Variants in RSBN1 observed in about 807,000 individuals in gnomAD.
RSBN1 encodes lysine-specific demethylase 9.
A neutral mutation model predicts 74.8 loss-of-function variants in RSBN1; 23 were observed. The ratio of observed to expected loss-of-function variants is 0.31; its 90% confidence interval spans 0.22 to 0.44. The LOEUF (loss-of-function observed/expected upper bound fraction) is 0.44. Among genes scored for constraint, RSBN1 ranks in the 20% least tolerant of loss-of-function variants. The probability of loss-of-function intolerance (pLI) is 1.00; values close to 1 mark genes in which losing one functional copy is unlikely to be tolerated. For missense variants in RSBN1, 808 were observed against 1,020.9 expected (o/e 0.79, Z 2.84); for synonymous variants, 407 against 379.6 (o/e 1.07, Z -0.84).
intron 1 of RSBN1, 136 bp from the exon 2 acceptor site, chr1:113,798,172 AC>A (rs1558003072): frequency 1.5e-6 from 1 of 682,142 alleles, no homozygotes; most frequent in Admixed American, 2.6e-5. Context: ...TGTTTAGAAA[AC>A]AAATGAGACA....
intron 4 of RSBN1, 41 bp downstream of exon 4, chr1:113,777,169 A>G: frequency 6.3e-7 from 1 of 1,579,856 alleles, no homozygotes. Flanking sequence ...AACCAACTAA[A>G]AAAAAGTAGT....
intron 4 of RSBN1, among the ~76,000 whole-genome samples, chr1:113,772,062 C>T (rs1659895747): frequency 6.6e-6 from 1 of 151,834 alleles, no homozygotes; most frequent in African/African-American, 2.4e-5. Context: ...ACATTGAAAC[C>T]TTAGAATATG....
At chr1:113,795,471 A>G (rs1660452820) in intron 2 of RSBN1, among the ~76,000 whole-genome samples, 1 of 152,232 alleles carries the variant, frequency 6.6e-6, no homozygotes, top group South Asian at 2.1e-4. Context: ...TGCAAACTTC[A>G]AAGTTTAGTC....
intron 1 of RSBN1, among the ~76,000 whole-genome samples, chr1:113,809,284 ATG>A (rs1311054732): frequency 6.6e-6 from 1 of 152,200 alleles, no homozygotes; most frequent in African/African-American, 2.4e-5. Context: ...TTCCTTATAA[ATG>A]AAATACCACA....
intron 1 of RSBN1, among the ~76,000 whole-genome samples, chr1:113,807,714 T>C (rs1355042461): frequency 1.3e-5 from 2 of 151,324 alleles, no homozygotes; most frequent in African/African-American, 4.9e-5. Context: ...TGAGCCGAGA[T>C]TGCACCATTG....
chr1:113,782,431 T>C (rs1305248819), intron 2 of RSBN1, among the ~76,000 whole-genome samples: 2 of 152,182 alleles, frequency 1.3e-5, no homozygotes, highest in Non-Finnish European at 2.9e-5. Flanking sequence ...GAACTGCACT[T>C]AAAGGAAAAC....
intron 4 of RSBN1, among the ~76,000 whole-genome samples, chr1:113,771,424 C>T (rs2101793156): frequency 6.6e-6 from 1 of 151,642 alleles, no homozygotes; most frequent in Non-Finnish European, 1.5e-5. Flanking sequence ...TGCAGAAAAG[C>T]ATTAAATAGG....
chr1:113,773,048 C>T (rs1659912680), intron 4 of RSBN1, among the ~76,000 whole-genome samples: 1 of 151,614 alleles, frequency 6.6e-6, no homozygotes, highest in African/African-American at 2.4e-5. Flanking sequence ...GAAAAAAACA[C>T]CGAAGCTGAA....
chr1:113,801,342 G>A (rs1020831779), intron 1 of RSBN1, among the ~76,000 whole-genome samples: 3 of 152,108 alleles, frequency 2.0e-5, no homozygotes, highest in African/African-American at 7.2e-5. Context: ...TTTTTTTACA[G>A]AGAAATTTAA....
chr1:113,782,363 CAT>C (rs1235737856), intron 2 of RSBN1, among the ~76,000 whole-genome samples: 1 of 152,010 alleles, frequency 6.6e-6, no homozygotes, highest in Non-Finnish European at 1.5e-5. Flanking sequence ...TTGTCTATAA[CAT>C]ATAATTTTTT....
At chr1:113,779,898 G>A (rs1449672594) in intron 2 of RSBN1, among the ~76,000 whole-genome samples, 2 of 152,150 alleles carry the variant, frequency 1.3e-5, no homozygotes, top group East Asian at 3.9e-4. Context: ...GTGCATGCCT[G>A]TAGTCCCAGA....
chr1:113,797,945 G>A lies in RSBN1; in HGVS notation c.795C>T (p.Asp265=). Residue 265 remains aspartate, a synonymous_variant, in exon 2 of 7, where the codon GAC becomes GAT. Transcript: ENST00000261441. ...KKKKKKKHRE[D]MRGRRLKMYN... ...ACATTTTAAGGCGTCTTCCTCGCAT[G>A]TCTTCTCGGTGTTTCTTTTTCTTTT... 1 of 1,613,736 alleles carries A rather than the reference G, an allele frequency of 6.2e-7. No individual in the cohort carries two copies. Among genetic ancestry groups the A allele is most frequent in the Non-Finnish European group, 8.5e-7 (1 of 1,179,890 alleles).
In RSBN1 at chr1:113,784,758, C is replaced by A. The variant is rs1557998757; in HGVS notation, c.1378-6950G>T. On this transcript the variant is annotated intron_variant, in intron 2 of 6. Coordinates refer to ENST00000261441, the MANE Select transcript of RSBN1 (RefSeq NM_018364.5). ...CTGGGGGACCAGTACAGTTGAGGAC[C>A]CCTGCCGTAGATACCTGAAACACAA... is the stretch of plus-strand genomic sequence containing the variant. Among the ~76,000 whole-genome samples the A allele has an allele frequency of 2.6e-5, 4 of 152,126 alleles. No individual in the cohort carries two copies. The South Asian group carries it at 6.2e-4, about 24-fold the overall frequency.
rs1660059450 is a variant in RSBN1, at chr1:113,777,757, T to C, written c.1429A>G (p.Ile477Val). The change falls in exon 3 of 7, where the codon ATA (isoleucine) becomes GTA (valine). Residue 477 changes from isoleucine to valine, a missense_variant. By Grantham distance (29) the Ile-to-Val change is conservative (BLOSUM62 3). Transcript: ENST00000261441. The stretch of plus-strand genomic sequence containing the variant: ...TCATCTACTGCTCCAACGAGACTTA[T>C]CTGCCGCATAGGACCTGCTCGGTAG... ...GTYRAGPMRQ[I>V]SLVGAVDEEV... 6.2e-7 allele frequency: 1 copy of C among 1,611,018 alleles called. No homozygotes were observed. Among genetic ancestry groups the C allele is most frequent in the Non-Finnish European group, 8.5e-7 (1 of 1,177,892 alleles).
Position 113,797,364 on chromosome 1 carries a change from T to C in RSBN1, c.1376A>G (p.Gln459Arg). The change falls in exon 2 of 7, where the codon CAG (glutamine) becomes CGG (arginine). Residue 459 changes from glutamine (Q) to arginine (R), a missense_variant and splice_region_variant. Physicochemically the swap from Gln to Arg is conservative, Grantham distance 43 (BLOSUM62 1). Transcript: ENST00000261441. ...ETTTISNFHT[Q>R]VNRTYCCGTY... ...TTTTAACAACAATTTTTATCTTACC[T>C]GAGTGTGAAAATTTGAAATGGTGGT... 2.5e-6 allele frequency: 4 copies of C among 1,604,730 alleles called. No homozygotes were observed. The highest frequency in any genetic ancestry group is 3.4e-6 in the Non-Finnish European group (4 of 1,176,410).
At position 113,788,976 on chromosome 1, in the gene RSBN1, A is replaced by C. The variant is rs149815732; in HGVS notation, c.1377+8387T>G. Among the ~76,000 whole-genome samples the C allele has an allele frequency of 2.0e-4, 30 of 152,304 alleles. 1 individual carries two copies. Among genetic ancestry groups the C allele is most frequent in the African/African-American group, 7.2e-4 (30 of 41,564 alleles). ...TCAATGTCCAAGAATAGGAGAATAA[A>C]TAGTGAGTGTGATATTGTGCAATAT... On this transcript the variant is annotated intron_variant, in intron 2 of 6. Coordinates refer to ENST00000261441, the MANE Select transcript of RSBN1 (RefSeq NM_018364.5).
chr1:113,812,468 T>C lies in RSBN1; in HGVS notation c.-56A>G, dbSNP rs1660900501. On this transcript the variant is annotated 5_prime_UTR_variant, in exon 1 of 7. Transcript: ENST00000261441. The stretch of plus-strand genomic sequence containing the variant: ...GCAGGCCTCTCCAACCGAGCTTCTA[T>C]TGTAAAGCACCCTATGCCGCGCAAA... 8.0e-6 allele frequency: 12 copies of C among 1,499,986 alleles called. No homozygotes were observed. Among genetic ancestry groups the C allele is most frequent in the East Asian group, 4.8e-5 (2 of 41,406 alleles). The allele number at this position is 1,499,986 out of a possible 1,614,324, so 92.9% of individuals were successfully genotyped here.
rs534505886 is a variant in RSBN1 at position 113,811,602 on chromosome 1, C to T, written c.703+108G>A. ...CCACCCCAGTGAGCTTAGAGAAGTA[C>T]AGCAGCAGAAGGTAAGCAGGGGTTT... is the stretch of plus-strand genomic sequence containing the variant. On this transcript the variant is annotated intron_variant, in intron 1 of 6. Transcript: ENST00000261441. 1.6e-4 allele frequency: 236 copies of T among 1,446,110 alleles called. 2 individuals are homozygous for T. In the South Asian group the frequency reaches 3.3e-3, roughly 20 times the overall value. The allele number at this position is 1,446,110 out of a possible 1,614,324, so 89.6% of individuals were successfully genotyped here. A position where few individuals can be genotyped will look rare whatever the true frequency, so the allele number is the denominator to read the frequency against.
chr1:113,792,331 C>T (rs1050812343), intron 2 of RSBN1, among the ~76,000 whole-genome samples: 1 of 152,118 alleles, frequency 6.6e-6, no homozygotes, highest in African/African-American at 2.4e-5. Context: ...TTATTATTTG[C>T]GCTTGCAATT....
Sources: allele counts gnomAD v4.1 joint callset (sites outside exome capture counted in the v4.1 genomes callset), GRCh38; gene constraint gnomAD v4.1.1; transcripts MANE v1.5; gene names NCBI Gene and HGNC (gene_info 2026-07-23, HGNC 2026-07-21).